TRPC7: variants seen among roughly 807,000 people sequenced by gnomAD.
TRPC7 encodes short transient receptor potential channel 7.
Under a neutral mutation model 90.1 loss-of-function variants are expected in TRPC7, and 42 were observed. The ratio of observed to expected loss-of-function variants is 0.47; its 90% confidence interval spans 0.36 to 0.60. The LOEUF is 0.60. TRPC7 is among the 20% of genes least tolerant of loss of function. The pLI is 0.00. For synonymous variants in TRPC7, 451 were observed against 436.3 expected, an observed-to-expected ratio of 1.03 and a Z score of -0.42; for missense variants, 955 against 1,112.3, an observed-to-expected ratio of 0.86 and a Z score of 2.01.
intron 1 of TRPC7, among the ~76,000 whole-genome samples, chr5:136,357,714 G>T (rs1037906874): frequency 2.0e-5 from 3 of 152,146 alleles, no homozygotes; most frequent in Non-Finnish European, 2.9e-5. Context: ...AAGCAGGCAG[G>T]AGGCTATTGG....
At chr5:136,233,612 AG>A (rs1303805674) in intron 7 of TRPC7, among the ~76,000 whole-genome samples, 2 of 152,186 alleles carry the variant, frequency 1.3e-5, no homozygotes, top group East Asian at 3.9e-4. Context: ...CAGTGTCTGA[AG>A]GGGAGGCTGG....
chr5:136,360,001 C>T (rs1264128566), intron 1 of TRPC7, among the ~76,000 whole-genome samples: 1 of 152,110 alleles, frequency 6.6e-6, no homozygotes, highest in Non-Finnish European at 1.5e-5. Context: ...GAAGAAGCTG[C>T]AATACAGCTT....
intron 2 of TRPC7, among the ~76,000 whole-genome samples, chr5:136,317,278 A>G (rs1759053490): frequency 6.6e-6 from 1 of 151,762 alleles, no homozygotes; most frequent in Non-Finnish European, 1.5e-5. Flanking sequence ...CATGCTCTAC[A>G]CTCCTCCAAC....
At chr5:136,325,739 C>T (rs868105838) in intron 2 of TRPC7, among the ~76,000 whole-genome samples, 5 of 151,776 alleles carry the variant, frequency 3.3e-5, no homozygotes, top group Non-Finnish European at 1.5e-5. Context: ...AAAGAAAAAA[C>T]ACCAAGGTCT....
intron 2 of TRPC7, among the ~76,000 whole-genome samples, chr5:136,352,568 T>G (rs989865352): frequency 6.6e-6 from 1 of 152,250 alleles, no homozygotes; most frequent in East Asian, 1.9e-4. Flanking sequence ...GGTAGACAAA[T>G]TTTTTATTTT....
intron 1 of TRPC7, among the ~76,000 whole-genome samples, chr5:136,361,177 T>C (rs1322716984): frequency 1.3e-5 from 2 of 152,182 alleles, no homozygotes; most frequent in African/African-American, 2.4e-5. Context: ...TAAAATGCAA[T>C]TGGCATTTGA....
At chr5:136,319,646 T>G (rs1759131014) in intron 2 of TRPC7, among the ~76,000 whole-genome samples, 1 of 152,294 alleles carries the variant, frequency 6.6e-6, no homozygotes, top group Middle Eastern at 3.4e-3. Context: ...ACTGTGACTT[T>G]TCTTGTCAAG....
At chr5:136,264,870 T>C (rs1235612342) in intron 5 of TRPC7, among the ~76,000 whole-genome samples, 1 of 152,098 alleles carries the variant, frequency 6.6e-6, no homozygotes, top group East Asian at 1.9e-4. Context: ...GGTTTACAGG[T>C]GTGAGCCACT....
chr5:136,287,629 T>G (rs1389487798), intron 3 of TRPC7, among the ~76,000 whole-genome samples: 2 of 140,358 alleles, frequency 1.4e-5, no homozygotes, highest in Non-Finnish European at 3.0e-5. Context: ...TTAATTCTCT[T>G]TTGTTTTTCT....
At chr5:136,361,884 A>G (rs944802573) in intron 1 of TRPC7, among the ~76,000 whole-genome samples, 1 of 152,154 alleles carries the variant, frequency 6.6e-6, no homozygotes, top group African/African-American at 2.4e-5. Flanking sequence ...TCTCTTGCCA[A>G]AATAAAGGGA....
chr5:136,304,592 T>G (rs1758538016), intron 3 of TRPC7, among the ~76,000 whole-genome samples: 1 of 152,110 alleles, frequency 6.6e-6, no homozygotes, highest in African/African-American at 2.4e-5. Context: ...CTTTGCACCC[T>G]TCATCCCAGC....
intron 3 of TRPC7, among the ~76,000 whole-genome samples, chr5:136,284,317 G>A (rs1194686945): frequency 1.3e-5 from 2 of 152,206 alleles, no homozygotes; most frequent in African/African-American, 2.4e-5. Flanking sequence ...ACACGTGTGT[G>A]TGTATATTCA....
chr5:136,297,690 TTC>T (rs967030864), intron 3 of TRPC7, among the ~76,000 whole-genome samples: 5 of 152,186 alleles, frequency 3.3e-5, no homozygotes, highest in African/African-American at 4.8e-5. Flanking sequence ...TGTAAATGAC[TTC>T]TTTTTAGTTG....
chr5:136,301,876 A>G (rs1404025932), intron 3 of TRPC7, among the ~76,000 whole-genome samples: 3 of 152,194 alleles, frequency 2.0e-5, no homozygotes, highest in Non-Finnish European at 2.9e-5. Context: ...CCCTTGGGAG[A>G]TCAATCCCCC....
chr5:136,362,261 T>G (rs1178077454), intron 1 of TRPC7, among the ~76,000 whole-genome samples: 3 of 152,178 alleles, frequency 2.0e-5, no homozygotes, highest in African/African-American at 7.2e-5. Flanking sequence ...AACATTTGTT[T>G]CACATTAACC....
chr5:136,296,587 G>A (rs2149828106), intron 3 of TRPC7, among the ~76,000 whole-genome samples: 1 of 152,128 alleles, frequency 6.6e-6, no homozygotes, highest in Middle Eastern at 3.4e-3. Context: ...ATAATTATAG[G>A]AAACATAGAT....
intron 10 of TRPC7, among the ~76,000 whole-genome samples, chr5:136,224,616 A>G (rs968638406): frequency 1.3e-5 from 2 of 152,160 alleles, no homozygotes; most frequent in African/African-American, 4.8e-5. Flanking sequence ...TGACTGTCAC[A>G]TCCTCCTCAC....
At chr5:136,294,649 A>T (rs1048320644) in intron 3 of TRPC7, among the ~76,000 whole-genome samples, 1 of 152,244 alleles carries the variant, frequency 6.6e-6, no homozygotes, top group South Asian at 2.1e-4. Flanking sequence ...AACAGGTGCT[A>T]GAGAGGATGT....
intron 7 of TRPC7, among the ~76,000 whole-genome samples, chr5:136,238,029 C>T (rs927751839): frequency 9.8e-5 from 15 of 152,304 alleles, no homozygotes; most frequent in Admixed American, 3.3e-4. Flanking sequence ...TCCCTTCACT[C>T]ATTGCACTCT....
Sources: gnomAD v4.1 joint callset for allele counts (sites outside exome capture counted in the v4.1 genomes callset) on GRCh38, gnomAD v4.1.1 for gene constraint, MANE v1.5 for transcripts, NCBI Gene and HGNC (gene_info 2026-07-23, HGNC 2026-07-21) for gene names.